KIFAP3: variants seen among roughly 807,000 people sequenced by gnomAD.
KIFAP3 encodes the protein kinesin associated protein 3, also known as kinesin-associated protein 3.
A neutral mutation model predicts 106.5 loss-of-function variants in KIFAP3; 68 were observed. That is an observed-to-expected ratio of 0.64 (90% CI 0.53 to 0.78). The LOEUF (loss-of-function observed/expected upper bound fraction) is 0.78, where lower values mean the gene tolerates loss of function less well. Ranked by LOEUF, KIFAP3 falls within the 30% of genes least tolerant of loss-of-function variation. KIFAP3 has a pLI of 0.00. For synonymous variants in KIFAP3, 320 were observed against 311.5 expected (o/e 1.03, Z -0.29); for missense variants, 780 against 941.8 (o/e 0.83, Z 2.25).
intron 1 of KIFAP3, among the ~76,000 whole-genome samples, chr1:170,063,620 G>GT (rs1671291396): frequency 1.3e-5 from 2 of 152,186 alleles, no homozygotes; most frequent in South Asian, 2.1e-4. Context: ...ACAGTGAGTT[G>GT]TTTTTTTCTC....
chr1:170,057,720 G>A (rs115181932), intron 1 of KIFAP3, among the ~76,000 whole-genome samples: 1 of 151,354 alleles, frequency 6.6e-6, no homozygotes, highest in African/African-American at 2.4e-5. Context: ...TTAACTACTG[G>A]GAGGATTAAT....
chr1:170,079,808 G>A (rs1341195225), intron 1 of KIFAP3, among the ~76,000 whole-genome samples: 1 of 151,566 alleles, frequency 6.6e-6, no homozygotes. Context: ...TTAAAAGAAT[G>A]TCAATGTATT....
intron 1 of KIFAP3, among the ~76,000 whole-genome samples, chr1:170,084,744 T>G (rs756729144): frequency 5.3e-5 from 8 of 152,258 alleles, no homozygotes; most frequent in Non-Finnish European, 1.0e-4. Context: ...TGGAATGGCA[T>G]GCAAAATAAG....
chr1:170,024,777 GTGTT>G (rs1172668879), intron 8 of KIFAP3, 181 bp from the exon 9 acceptor site: 2 of 406,276 alleles, frequency 4.9e-6, no homozygotes, highest in Non-Finnish European at 8.7e-6. Context: ...AATGGGATAT[GTGTT>G]TGTGTGTGTG....
chr1:169,979,052 A>G (rs1025215105), intron 15 of KIFAP3, among the ~76,000 whole-genome samples: 2 of 152,170 alleles, frequency 1.3e-5, no homozygotes, highest in Non-Finnish European at 2.9e-5. Flanking sequence ...AGAGTATTAT[A>G]AAGCCTCTGC....
intron 1 of KIFAP3, among the ~76,000 whole-genome samples, chr1:170,071,543 A>G (rs1260195868): frequency 6.6e-6 from 1 of 152,210 alleles, no homozygotes; most frequent in Non-Finnish European, 1.5e-5. Flanking sequence ...GTGCTTCATT[A>G]TAACACAGTG....
intron 10 of KIFAP3, among the ~76,000 whole-genome samples, chr1:170,001,846 G>C (rs773689223): frequency 2.6e-5 from 4 of 152,082 alleles, no homozygotes; most frequent in Non-Finnish European, 5.9e-5. Context: ...TAATAAGTCA[G>C]AAAAGGCAAA....
At chr1:170,053,306 C>T (rs761910821) in intron 2 of KIFAP3, among the ~76,000 whole-genome samples, 5 of 152,002 alleles carry the variant, frequency 3.3e-5, no homozygotes, top group Admixed American at 6.6e-5. Context: ...AGGACCTCTT[C>T]GAGGAGAACT....
chr1:170,077,286 T>C (rs150197193), upstream of KIFAP3, among the ~76,000 whole-genome samples: 78 of 152,336 alleles, frequency 5.1e-4, no homozygotes, highest in Middle Eastern at 6.8e-3. Context: ...ATACTCTAAA[T>C]CTCAGCAATT....
chr1:170,031,738 T>C (rs1669421927), intron 8 of KIFAP3, 148 bp downstream of exon 8: 2 of 559,580 alleles, frequency 3.6e-6, no homozygotes, highest in African/African-American at 1.9e-5. Context: ...TTACCCATGC[T>C]AAAGACAGAC....
chr1:170,029,403 C>T (rs1669281880), intron 8 of KIFAP3, among the ~76,000 whole-genome samples: 1 of 151,832 alleles, frequency 6.6e-6, no homozygotes. Context: ...TTCTAAATAA[C>T]CCAAGGGCCA....
chr1:170,000,498 T>G (rs1276910267), intron 10 of KIFAP3, among the ~76,000 whole-genome samples: 1 of 152,078 alleles, frequency 6.6e-6, no homozygotes, highest in African/African-American at 2.4e-5. Context: ...GTTCTATCAA[T>G]ACAGTGAAAA....
At chr1:169,942,221 T>C (rs1479150014) in intron 19 of KIFAP3, among the ~76,000 whole-genome samples, 1 of 152,036 alleles carries the variant, frequency 6.6e-6, no homozygotes, top group Non-Finnish European at 1.5e-5. Context: ...AAACTAAACA[T>C]ACAAAATAAC....
At chr1:170,025,105 C>A (rs1474747371) in intron 8 of KIFAP3, among the ~76,000 whole-genome samples, 1 of 152,070 alleles carries the variant, frequency 6.6e-6, no homozygotes, top group East Asian at 1.9e-4. Flanking sequence ...TTTTCATATG[C>A]AAACTGATTT....
At chr1:169,953,860 A>T in intron 19 of KIFAP3, 151 bp downstream of exon 19, 1 of 657,030 alleles carries the variant, frequency 1.5e-6, no homozygotes, top group Non-Finnish European at 2.7e-6. Context: ...TTCATAAGTT[A>T]ATTTAAAATC....
chr1:169,983,508 G>C (rs1272315405), intron 12 of KIFAP3, 126 bp from the exon 13 acceptor site: 8 of 652,350 alleles, frequency 1.2e-5, no homozygotes, highest in African/African-American at 1.9e-5. Flanking sequence ...GGTACAATTT[G>C]ATTAATTTAG....
chr1:169,970,881 A>G (rs1272619346), intron 17 of KIFAP3, among the ~76,000 whole-genome samples: 2 of 152,016 alleles, frequency 1.3e-5, no homozygotes, highest in Middle Eastern at 3.2e-3. Flanking sequence ...GAAGTAAAAT[A>G]TAGACAGCTG....
intron 11 of KIFAP3, among the ~76,000 whole-genome samples, chr1:169,988,873 A>T (rs1358706202): frequency 6.6e-6 from 1 of 152,066 alleles, no homozygotes; most frequent in Admixed American, 6.6e-5. Context: ...TCAAAATACC[A>T]GCTCATATAG....
At chr1:170,073,308 CA>C (rs1396600834) in intron 1 of KIFAP3, among the ~76,000 whole-genome samples, 2 of 152,118 alleles carry the variant, frequency 1.3e-5, no homozygotes, top group African/African-American at 4.8e-5. Context: ...GATATATTTA[CA>C]TAAAATAAAA....
Sources: gnomAD v4.1 joint callset for allele counts (sites outside exome capture counted in the v4.1 genomes callset) on GRCh38, gnomAD v4.1.1 for gene constraint, MANE v1.5 for transcripts, NCBI Gene and HGNC (gene_info 2026-07-23, HGNC 2026-07-21) for gene names.